ZFAND4: variants seen among roughly 807,000 people sequenced by gnomAD.
ZFAND4 encodes the protein zinc finger AN1-type containing 4, also known as AN1-type zinc finger protein 4.
A neutral mutation model predicts 64.4 loss-of-function variants in ZFAND4; 43 were observed. That is an observed-to-expected ratio of 0.67 (90% CI 0.52 to 0.86). The LOEUF (loss-of-function observed/expected upper bound fraction) is 0.86, where lower values mean the gene tolerates loss of function less well. Ranked by LOEUF, ZFAND4 falls within the 40% of genes least tolerant of loss-of-function variation. The probability of loss-of-function intolerance (pLI) is 0.00; values close to 1 mark genes in which losing one functional copy is unlikely to be tolerated. For synonymous variants in ZFAND4, 296 were observed against 305.7 expected (o/e 0.97, Z 0.33); for missense variants, 929 against 859.8 (o/e 1.08, Z -1.01).
At chr10:45,645,805 C>A (rs2047339496) in intron 5 of ZFAND4, among the ~76,000 whole-genome samples, 1 of 152,224 alleles carries the variant, frequency 6.6e-6, no homozygotes, top group African/African-American at 2.4e-5. Context: ...TACCTCAGTG[C>A]AATTTCCAAA....
chr10:45,670,385 C>A (rs987995789), intron 1 of ZFAND4, among the ~76,000 whole-genome samples: 3 of 152,088 alleles, frequency 2.0e-5, no homozygotes. Flanking sequence ...TGCCACCACG[C>A]CCGGCTAATT....
intron 2 of ZFAND4, among the ~76,000 whole-genome samples, chr10:45,661,739 G>A (rs1054059339): frequency 1.1e-4 from 16 of 152,112 alleles, no homozygotes; most frequent in South Asian, 2.1e-4. Context: ...TCAGGAGTTC[G>A]AGACCAGCCT....
At chr10:45,660,338 A>G (rs2048389855) in intron 2 of ZFAND4, among the ~76,000 whole-genome samples, 1 of 152,012 alleles carries the variant, frequency 6.6e-6, no homozygotes, top group African/African-American at 2.4e-5. Flanking sequence ...TAAATAAATA[A>G]AAGAAACAAA....
At chr10:45,657,785 A>G (rs932726962) in intron 2 of ZFAND4, among the ~76,000 whole-genome samples, 11 of 152,376 alleles carry the variant, frequency 7.2e-5, no homozygotes, top group African/African-American at 2.6e-4. Context: ...ATATAACAAT[A>G]TGATAAGTCT....
At chr10:45,657,231 G>C (rs1252365052) in intron 2 of ZFAND4, among the ~76,000 whole-genome samples, 2 of 152,094 alleles carry the variant, frequency 1.3e-5, no homozygotes, top group African/African-American at 4.8e-5. Context: ...GCCCAGACTG[G>C]TCTTGAACTC....
At position 45,648,453 on chromosome 10, in the gene ZFAND4, C is replaced by T. The variant is rs894329863; in HGVS notation, c.410G>A (p.Ser137Asn). ...GTATACCAAAAATGTAACTTGTTTG[C>T]TGCAGGAGGTCTTCTCCCAGACCTC... is the stretch of plus-strand genomic sequence containing the variant. ...RVEVWEKTSC[S>N]KQVTFLVYQE... Residue 137 changes from serine to asparagine, a missense_variant, in exon 5 of 10, where the codon AGC becomes AAC. Coordinates refer to ENST00000344646, the MANE Select transcript of ZFAND4 (RefSeq NM_174890.4). 6.2e-7 allele frequency: 1 copy of T among 1,613,838 alleles called. No homozygotes were observed. The highest frequency in any genetic ancestry group is 1.7e-4 in the Middle Eastern group (1 of 6,060).
In ZFAND4 at chr10:45,626,161, G is replaced by C; in HGVS notation, c.1662C>G (p.Asn554Lys). Residue 554 changes from asparagine to lysine, a missense_variant, in exon 7 of 10, where the codon AAC becomes AAG. Physicochemically the swap from Asn to Lys is moderately conservative, Grantham distance 94 (BLOSUM62 0). Transcript: ENST00000344646. ...VEARDITEMT[N>K]KASKEPVGCV... ...AACCAACAGGCTCTTTGGAAGCCTT[G>C]TTAGTCATTTCTGTGATATCCCGAG... is the stretch of plus-strand genomic sequence containing the variant. The C allele has an allele frequency of 1.2e-6, 2 of 1,614,128 alleles. No homozygotes were observed. The highest frequency in any genetic ancestry group is 8.5e-7 in the Non-Finnish European group (1 of 1,180,046).
intron 5 of ZFAND4, among the ~76,000 whole-genome samples, chr10:45,647,424 G>GTTTTT (rs58918686): frequency 7.9e-6 from 1 of 127,012 alleles, no homozygotes. Context: ...ACTACAAGCT[G>GTTTTT]TTTTTTTTTT....
At chr10:45,620,303 A>G (rs1363232362) in intron 8 of ZFAND4, among the ~76,000 whole-genome samples, 1 of 152,148 alleles carries the variant, frequency 6.6e-6, no homozygotes, top group Non-Finnish European at 1.5e-5. Flanking sequence ...CAACATGGTA[A>G]AACTCCGTCT....
intron 2 of ZFAND4, among the ~76,000 whole-genome samples, chr10:45,660,587 T>C (rs1329815615): frequency 6.7e-6 from 1 of 150,000 alleles, no homozygotes; most frequent in Non-Finnish European, 1.5e-5. Context: ...ACACGATAAC[T>C]ACCAAAGAAT....
rs139633665 is a variant in ZFAND4 at position 45,620,310 on chromosome 10, G to A, written c.1928-2050C>T. 2.7e-3 allele frequency among the ~76,000 whole-genome samples: 412 copies of A among 152,172 alleles called. 3 individuals are homozygous for A. The highest frequency in any genetic ancestry group is 9.2e-3 in the African/African-American group (382 of 41,514). The stretch of plus-strand genomic sequence containing the variant: ...AGTCAGGCCAACATGGTAAAACTCC[G>A]TCTCTACTAAAAATACATAAATTAG... On this transcript the variant is annotated intron_variant, in intron 8 of 9. Transcript: ENST00000344646.
Position 45,618,260 on chromosome 10 carries a change from C to T in ZFAND4, c.1928G>A (p.Gly643Glu). ...GNNAAAGKSV[G>E]ECTTHHLPPV... is the part of the protein sequence containing the mutation. ...TGGGAGGTGATGAGTAGTACATTCT[C>T]CTGTTTAGAGAAAGGACACCTTGAT... The change falls in exon 9 of 10, where the codon GGA (glycine) becomes GAA (glutamate). Residue 643 changes from glycine (G) to glutamate (E), a missense_variant and splice_region_variant. Transcript: ENST00000344646. 1.2e-6 allele frequency: 2 copies of T among 1,610,180 alleles called. No individual in the cohort carries two copies. Among genetic ancestry groups the T allele is most frequent in the Non-Finnish European group, 1.7e-6 (2 of 1,178,972 alleles).
chr10:45,644,190 T>G (rs2133738689), intron 5 of ZFAND4, among the ~76,000 whole-genome samples: 1 of 152,298 alleles, frequency 6.6e-6, no homozygotes, highest in African/African-American at 2.4e-5. Context: ...TTCTGTGACT[T>G]TTTTTATTAC....
chr10:45,638,820 A>G (rs2046797857), intron 6 of ZFAND4, among the ~76,000 whole-genome samples: 1 of 152,214 alleles, frequency 6.6e-6, no homozygotes, highest in Non-Finnish European at 1.5e-5. Context: ...AAATCAAACA[A>G]ATACTTTTAA....
intron 1 of ZFAND4, among the ~76,000 whole-genome samples, chr10:45,671,372 C>T (rs2133894762): frequency 6.6e-6 from 1 of 152,334 alleles, no homozygotes; most frequent in East Asian, 1.9e-4. Flanking sequence ...TATAAAGACA[C>T]ATGCACACGT....
chr10:45,652,503 G>A (rs1379191653), intron 3 of ZFAND4, among the ~76,000 whole-genome samples: 1 of 151,052 alleles, frequency 6.6e-6, no homozygotes, highest in Non-Finnish European at 1.5e-5. Flanking sequence ...TGTGAAAGAG[G>A]GGAGAAATAA....
intron 6 of ZFAND4, among the ~76,000 whole-genome samples, chr10:45,630,416 T>A (rs1389337760): frequency 1.3e-5 from 2 of 152,090 alleles, no homozygotes; most frequent in African/African-American, 4.8e-5. Flanking sequence ...AAATTCTACT[T>A]AATATTTAAT....
Position 45,625,975 on chromosome 10 carries a change from C to T in ZFAND4, c.1848G>A (p.Gln616=), listed in dbSNP as rs757776951. The change falls in exon 7 of 10, where the codon CAG becomes CAA. Residue 616 remains glutamine, a synonymous_variant. Coordinates refer to ENST00000344646, the MANE Select transcript of ZFAND4 (RefSeq NM_174890.4). ...QEENFRKSSP[Q]LEHTGVFLST... ...CCAAAAAAACTCCTGTATGTTCTAA[C>T]TGGGGAGAACTTTTCCTAAAGTTTT... The T allele has an allele frequency of 6.2e-7, 1 of 1,614,024 alleles. No homozygotes were observed. The highest frequency in any genetic ancestry group is 1.3e-5 in the African/African-American group (1 of 75,030).
At chr10:45,631,357 A>C (rs1048049728) in intron 6 of ZFAND4, among the ~76,000 whole-genome samples, 3 of 151,098 alleles carry the variant, frequency 2.0e-5, no homozygotes, top group African/African-American at 7.3e-5. Context: ...AAACAAAAAA[A>C]CAAATAAAGT....
Sources: allele counts gnomAD v4.1 joint callset (sites outside exome capture counted in the v4.1 genomes callset), GRCh38; gene constraint gnomAD v4.1.1; transcripts MANE v1.5; gene names NCBI Gene and HGNC (gene_info 2026-07-23, HGNC 2026-07-21).